The following OPCML variants were observed in gnomAD, a reference collection of about 807,000 sequenced individuals.
OPCML encodes the protein opioid-binding protein/cell adhesion molecule.
Under a neutral mutation model 37.8 loss-of-function variants are expected in OPCML, and 13 were observed. That is an observed-to-expected ratio of 0.34 (90% CI 0.22 to 0.55). The LOEUF (loss-of-function observed/expected upper bound fraction) is 0.55, where lower values mean the gene tolerates loss of function less well. OPCML is among the 20% of genes least tolerant of loss of function. The pLI, the probability that OPCML is intolerant of heterozygous loss-of-function variation, is 0.91. For missense variants in OPCML, 341 were observed against 435.6 expected, an observed-to-expected ratio of 0.78 and a Z score of 1.93; for synonymous variants, 176 against 168.8, an observed-to-expected ratio of 1.04 and a Z score of -0.33.
chr11:133,024,195 C>A (rs1471850718), intron 1 of OPCML, among the ~76,000 whole-genome samples: 1 of 152,074 alleles, frequency 6.6e-6, no homozygotes, highest in African/African-American at 2.4e-5. Flanking sequence ...CTGGAGACAG[C>A]GAGTAGGAAG....
chr11:133,191,502 T>TGTGG (rs1938314170), intron 1 of OPCML, among the ~76,000 whole-genome samples: 1 of 119,184 alleles, frequency 8.4e-6, no homozygotes, highest in African/African-American at 3.2e-5. Flanking sequence ...TCTGTGTGTG[T>TGTGG]GGGTGTGTGT....
intron 1 of OPCML, among the ~76,000 whole-genome samples, chr11:133,143,544 T>G (rs1392074971): frequency 6.6e-6 from 1 of 152,208 alleles, no homozygotes; most frequent in Non-Finnish European, 1.5e-5. Flanking sequence ...CAATTTTTGA[T>G]TAAGCACTAA....
At chr11:133,023,514 A>G (rs1947492635) in intron 1 of OPCML, among the ~76,000 whole-genome samples, 1 of 152,226 alleles carries the variant, frequency 6.6e-6, no homozygotes, top group Non-Finnish European at 1.5e-5. Context: ...CCTAAAGACC[A>G]TGATCTGCTG....
chr11:133,523,908 G>A (rs1023530107), intron 1 of OPCML, among the ~76,000 whole-genome samples: 1 of 152,172 alleles, frequency 6.6e-6, no homozygotes, highest in Admixed American at 6.5e-5. Flanking sequence ...CAGCCTCCCT[G>A]GCAAGATCAA....
intron 2 of OPCML, among the ~76,000 whole-genome samples, chr11:132,681,635 CAAGA>C: frequency 6.6e-6 from 1 of 152,238 alleles, no homozygotes; most frequent in South Asian, 2.1e-4. Flanking sequence ...GGATGCCGGA[CAAGA>C]ACTCGGGTGT....
intron 3 of OPCML, among the ~76,000 whole-genome samples, chr11:132,656,742 T>C (rs1462773354): frequency 6.6e-6 from 1 of 152,230 alleles, no homozygotes; most frequent in Non-Finnish European, 1.5e-5. Flanking sequence ...TATAAGAGAA[T>C]TAAAAGGCAC....
chr11:132,687,101 C>A (rs1384834685), intron 2 of OPCML, among the ~76,000 whole-genome samples: 1 of 151,854 alleles, frequency 6.6e-6, no homozygotes. Context: ...AATGTAGGCA[C>A]TTGACAAACA....
At chr11:133,132,051 A>AT (rs1949612285) in intron 1 of OPCML, among the ~76,000 whole-genome samples, 1 of 152,256 alleles carries the variant, frequency 6.6e-6, no homozygotes, top group Admixed American at 6.5e-5. Context: ...GTTGGACTTC[A>AT]TCAAAATTAA....
intron 2 of OPCML, among the ~76,000 whole-genome samples, chr11:132,878,171 A>G (rs1046052185): frequency 7.6e-6 from 1 of 131,118 alleles, no homozygotes; most frequent in African/African-American, 2.7e-5. Context: ...GAGAGATCAA[A>G]ATTCCATCTC....
chr11:132,677,559 A>C (rs1942762795), intron 2 of OPCML, among the ~76,000 whole-genome samples: 1 of 152,132 alleles, frequency 6.6e-6, no homozygotes, highest in Admixed American at 6.6e-5. Context: ...CAAAGAATAG[A>C]CTCCAAGTAA....
At chr11:133,050,011 C>A (rs1440578668) in intron 1 of OPCML, among the ~76,000 whole-genome samples, 1 of 152,170 alleles carries the variant, frequency 6.6e-6, no homozygotes, top group Admixed American at 6.5e-5. Context: ...TTAAATTAAT[C>A]CAAAGGGAGA....
intron 3 of OPCML, among the ~76,000 whole-genome samples, chr11:132,621,842 T>C (rs73051110): frequency 0.054 from 8,167 of 152,230 alleles, 357 homozygotes; most frequent in African/African-American, 0.1. Flanking sequence ...TGAAAACATA[T>C]GGATAAGAGC....
At chr11:133,052,962 C>T (rs1948158742) in intron 1 of OPCML, among the ~76,000 whole-genome samples, 1 of 152,204 alleles carries the variant, frequency 6.6e-6, no homozygotes, top group African/African-American at 2.4e-5. Flanking sequence ...AATTAAACCT[C>T]CCTCACTTTT....
chr11:133,130,768 C>T (rs190876773), intron 1 of OPCML, among the ~76,000 whole-genome samples: 5 of 152,144 alleles, frequency 3.3e-5, no homozygotes, highest in Middle Eastern at 3.4e-3. Flanking sequence ...GCACAGGGGG[C>T]TTGGAAATAG....
At chr11:133,249,458 C>G (rs1007208252) in intron 1 of OPCML, among the ~76,000 whole-genome samples, 4 of 152,220 alleles carry the variant, frequency 2.6e-5, no homozygotes, top group Non-Finnish European at 5.9e-5. Flanking sequence ...CCACCTCCAA[C>G]ATTGCGGATC....
At position 133,524,641 on chromosome 11, in the gene OPCML, G is replaced by A. The variant is rs563386414; in HGVS notation, c.61+7623C>T. 5.9e-5 allele frequency among the ~76,000 whole-genome samples: 9 copies of A among 152,316 alleles called. No homozygotes were observed. In the South Asian group the frequency reaches 8.3e-4, roughly 14 times the overall value. On this transcript the variant is annotated intron_variant, in intron 1 of 7. Coordinates refer to ENST00000524381, the MANE Select transcript of OPCML (RefSeq NM_001012393.5). ...ACTCACACTCTCAGGCGTGTCTGTC[G>A]CAGTGTGCGATGTGAGATCCAAAAG...
chr11:133,512,523 CATT>C lies in OPCML; in HGVS notation c.61+19738_61+19740del, dbSNP rs548187053. Reference sequence around the variant, plus strand: ...TTTCTTACATAGGCATGACTGATTACATTATTAGCCACTGGTGATTAGCTCAAC... The same window carrying C: ...TTTCTTACATAGGCATGACTGATTACATTAGCCACTGGTGATTAGCTCAAC... On this transcript the variant is annotated intron_variant, in intron 1 of 7. Transcript: ENST00000524381. 4.0e-3 allele frequency among the ~76,000 whole-genome samples: 604 copies of C among 152,318 alleles called. 3 individuals are homozygous for C. Among genetic ancestry groups the C allele is most frequent in the Non-Finnish European group, 3.9e-3 (264 of 68,032 alleles).
intron 1 of OPCML, among the ~76,000 whole-genome samples, chr11:133,395,861 T>C (rs1018436090): frequency 1.3e-5 from 2 of 152,208 alleles, no homozygotes; most frequent in African/African-American, 4.8e-5. Context: ...GCTTTGGCTA[T>C]TCTGGGTCTT....
chr11:133,193,210 C>A (rs1049854094), intron 1 of OPCML, among the ~76,000 whole-genome samples: 1 of 152,110 alleles, frequency 6.6e-6, no homozygotes, highest in Non-Finnish European at 1.5e-5. Flanking sequence ...TCTGTACATT[C>A]CTGGTTACAA....
Sources: allele counts gnomAD v4.1 joint callset (sites outside exome capture counted in the v4.1 genomes callset), GRCh38; gene constraint gnomAD v4.1.1; transcripts MANE v1.5; gene names NCBI Gene and HGNC (gene_info 2026-07-23, HGNC 2026-07-21).